Variants in ROR1 observed in about 807,000 individuals in gnomAD.
ROR1 encodes ROR family WNT receptor 1.
A neutral mutation model predicts 78.8 loss-of-function variants in ROR1; 19 were observed. That is an observed-to-expected ratio of 0.24 (90% CI 0.17 to 0.35). The LOEUF is 0.35. Ranked by LOEUF, ROR1 falls within the 10% of genes least tolerant of loss-of-function variation. The pLI is 1.00. For missense variants in ROR1, 917 were observed against 1,177.8 expected, an observed-to-expected ratio of 0.78 and a Z score of 3.24; for synonymous variants, 386 against 433.6, an observed-to-expected ratio of 0.89 and a Z score of 1.36.
intron 2 of ROR1, among the ~76,000 whole-genome samples, chr1:64,035,358 AAATTG>A (rs1183230530): frequency 6.6e-6 from 1 of 152,140 alleles, no homozygotes; most frequent in Non-Finnish European, 1.5e-5. Context: ...ATCCATACAA[AAATTG>A]TTTATTTCAT....
At chr1:63,975,872 A>C (rs577106199) in intron 1 of ROR1, among the ~76,000 whole-genome samples, 22 of 152,222 alleles carry the variant, frequency 1.4e-4, no homozygotes, top group Non-Finnish European at 2.6e-4. Context: ...TCCAAAATTC[A>C]TGCTGGGGAT....
chr1:63,858,992 G>A (rs751894542), intron 1 of ROR1, among the ~76,000 whole-genome samples: 5 of 152,182 alleles, frequency 3.3e-5, no homozygotes, highest in Non-Finnish European at 7.3e-5. Flanking sequence ...TAAGAAATTA[G>A]CCTGTGTGTG....
chr1:63,830,448 C>T (rs1009338382), intron 1 of ROR1, among the ~76,000 whole-genome samples: 4 of 152,018 alleles, frequency 2.6e-5, no homozygotes, highest in East Asian at 1.9e-4. Context: ...GAAGGGGAAG[C>T]GAGGCATGTC....
At position 63,977,386 on chromosome 1, in the gene ROR1, G is replaced by T. The variant is rs1233254538; in HGVS notation, c.92-31919G>T. ...TCGGGTGTGGAATTTTTCACCTGTG[G>T]TTTCATGTTGGCGCTCCAAAAGTTT... On this transcript the variant is annotated intron_variant, in intron 1 of 8. Coordinates refer to ENST00000371079, the MANE Select transcript of ROR1 (RefSeq NM_005012.4). 2.0e-5 allele frequency among the ~76,000 whole-genome samples: 3 copies of T among 152,082 alleles called. No individual in the cohort carries two copies. The East Asian group carries it at 5.8e-4, about 29-fold the overall frequency.
At chr1:64,027,934 C>T (rs1249323739) in intron 2 of ROR1, among the ~76,000 whole-genome samples, 1 of 152,062 alleles carries the variant, frequency 6.6e-6, no homozygotes, top group Non-Finnish European at 1.5e-5. Context: ...GATCTTCCTG[C>T]CTCGGCCTCC....
At chr1:63,898,033 T>G (rs1645454213) in intron 1 of ROR1, among the ~76,000 whole-genome samples, 1 of 152,206 alleles carries the variant, frequency 6.6e-6, no homozygotes, top group African/African-American at 2.4e-5. Context: ...GAGCTCATTC[T>G]GTTGTCTGCT....
chr1:63,845,907 A>G (rs1645077429), intron 1 of ROR1, among the ~76,000 whole-genome samples: 1 of 152,158 alleles, frequency 6.6e-6, no homozygotes, highest in African/African-American at 2.4e-5. Context: ...TGAAGCTTAG[A>G]TGGAGCCTGA....
intron 1 of ROR1, among the ~76,000 whole-genome samples, chr1:63,928,312 G>A (rs770281679): frequency 6.6e-5 from 10 of 152,146 alleles, no homozygotes; most frequent in Admixed American, 2.0e-4. Context: ...AGTCTGGGTG[G>A]TTTGTCTGCT....
chr1:63,887,302 G>A (rs1252869089), intron 1 of ROR1, among the ~76,000 whole-genome samples: 1 of 152,142 alleles, frequency 6.6e-6, no homozygotes, highest in African/African-American at 2.4e-5. Context: ...AATGTCTGAA[G>A]AAAGAAGAGG....
At chr1:64,114,546 G>A (rs1648241409) in intron 4 of ROR1, among the ~76,000 whole-genome samples, 1 of 152,180 alleles carries the variant, frequency 6.6e-6, no homozygotes, top group Non-Finnish European at 1.5e-5. Context: ...AAGAAAGGGT[G>A]AGGGAGACAT....
chr1:63,781,112 T>C (rs1168475969), intron 1 of ROR1, among the ~76,000 whole-genome samples: 1 of 152,176 alleles, frequency 6.6e-6, no homozygotes, highest in Non-Finnish European at 1.5e-5. Flanking sequence ...TTGGGTTTGA[T>C]ATTTTATTTT....
chr1:63,812,356 TCAGAGTTGAG>T (rs1454279696), intron 1 of ROR1, among the ~76,000 whole-genome samples: 1 of 152,202 alleles, frequency 6.6e-6, no homozygotes, highest in Non-Finnish European at 1.5e-5. Flanking sequence ...TGCTACCATG[TCAGAGTTGAG>T]TGGTTGTAAC....
At chr1:63,961,499 T>G (rs145364455) in intron 1 of ROR1, among the ~76,000 whole-genome samples, 4 of 152,344 alleles carry the variant, frequency 2.6e-5, no homozygotes, top group Non-Finnish European at 4.4e-5. Context: ...GGAATATTAC[T>G]CAGACGTAAA....
intron 1 of ROR1, among the ~76,000 whole-genome samples, chr1:63,824,104 T>TA (rs1467562685): frequency 1.3e-5 from 2 of 152,204 alleles, no homozygotes; most frequent in East Asian, 3.8e-4. Context: ...AATGAGCAAC[T>TA]AATCCAAAAA....
At chr1:64,112,257 G>A (rs1648130205) in intron 4 of ROR1, 1 of 152,214 alleles carries the variant, frequency 6.6e-6, no homozygotes, top group African/African-American at 2.4e-5. Flanking sequence ...GAGTGCTATT[G>A]TGATGTGCTA....
At chr1:63,928,079 C>T (rs570947390) in intron 1 of ROR1, among the ~76,000 whole-genome samples, 1 of 152,138 alleles carries the variant, frequency 6.6e-6, no homozygotes, top group South Asian at 2.1e-4. Flanking sequence ...TCACCAAAAC[C>T]GTTTGTCAAA....
chr1:64,132,167 T>G (rs986619011), intron 4 of ROR1, among the ~76,000 whole-genome samples: 1 of 152,250 alleles, frequency 6.6e-6, no homozygotes, highest in South Asian at 2.1e-4. Context: ...GTGCCCTTTT[T>G]GTTCAGCTTA....
At chr1:63,860,628 G>A (rs1168891319) in intron 1 of ROR1, among the ~76,000 whole-genome samples, 1 of 145,922 alleles carries the variant, frequency 6.9e-6, no homozygotes, top group Non-Finnish European at 1.5e-5. Flanking sequence ...AAATAGCCAG[G>A]TGTGGTGGCA....
At chr1:64,002,810 C>T (rs746626519) in intron 1 of ROR1, among the ~76,000 whole-genome samples, 4 of 152,144 alleles carry the variant, frequency 2.6e-5, no homozygotes, top group Non-Finnish European at 4.4e-5. Flanking sequence ...AAACATTGAT[C>T]GTTGAGGAGC....
Sources: allele counts gnomAD v4.1 joint callset (sites outside exome capture counted in the v4.1 genomes callset), GRCh38; gene constraint gnomAD v4.1.1; transcripts MANE v1.5; gene names NCBI Gene and HGNC (gene_info 2026-07-23, HGNC 2026-07-21).